PAX5: variants seen among roughly 807,000 people sequenced by gnomAD.
PAX5 encodes paired box protein Pax-5.
In PAX5, 9 loss-of-function variants were observed where a neutral mutation model predicts 43.7. The ratio of observed to expected loss-of-function variants is 0.21; its 90% CI spans 0.12 to 0.36. The LOEUF is 0.36. Among genes scored for constraint, PAX5 ranks in the 10% least tolerant of loss-of-function variants. The probability of loss-of-function intolerance (pLI) is 1.00; values close to 1 mark genes in which losing one functional copy is unlikely to be tolerated. For missense variants in PAX5, 383 were observed against 532.7 expected (o/e 0.72, Z 2.77); for synonymous variants, 228 against 214.3 (o/e 1.06, Z -0.56).
chr9:36,928,080 C>T (rs888288768), intron 6 of PAX5, among the ~76,000 whole-genome samples: 1 of 152,216 alleles, frequency 6.6e-6, no homozygotes, highest in African/African-American at 2.4e-5. Context: ...TGGTGGGATT[C>T]CCTCAGTTCT....
intron 8 of PAX5, among the ~76,000 whole-genome samples, chr9:36,848,350 C>CCACACACACACACACACACA (rs55793420): frequency 0.014 from 1,941 of 136,410 alleles, 43 homozygotes; most frequent in African/African-American, 0.04. Context: ...CAGAGCGTGT[C>CCACACACACACACACACACA]CACACACACA....
intron 1 of PAX5, among the ~76,000 whole-genome samples, chr9:37,028,995 T>G (rs1840697426): frequency 6.6e-6 from 1 of 152,208 alleles, no homozygotes; most frequent in Non-Finnish European, 1.5e-5. Context: ...CAAGAAGCTA[T>G]AGTTCTGTGA....
chr9:37,005,679 T>C (rs1338904843), intron 4 of PAX5, among the ~76,000 whole-genome samples: 1 of 152,250 alleles, frequency 6.6e-6, no homozygotes, highest in African/African-American at 2.4e-5. Context: ...GAGGTGTGAT[T>C]CTGCAGGATT....
rs570693619 is a variant in PAX5, at chr9:36,838,596, T to C, written c.*1964A>G. The C allele has an allele frequency of 8.1e-5, 19 of 233,218 alleles. No individual in the cohort carries two copies. In the East Asian group the frequency reaches 1.1e-3, roughly 14 times the overall value. 14.4% of individuals were successfully genotyped at this position (233,218 alleles called of 1,614,324 possible). A position where few individuals can be genotyped will look rare whatever the true frequency, so the allele number is the denominator to read the frequency against. On this transcript the variant is annotated 3_prime_UTR_variant, in exon 10 of 10. Transcript: ENST00000358127. Reference sequence around the variant, plus strand: ...GGGCCTCAGTTTCCCACAAGGGAAGTTGGGCTAGGTCTTTTTCCAGGCTCT... The same window carrying C: ...GGGCCTCAGTTTCCCACAAGGGAAGCTGGGCTAGGTCTTTTTCCAGGCTCT...
chr9:36,946,887 T>A (rs1233079532), intron 6 of PAX5, among the ~76,000 whole-genome samples: 1 of 152,104 alleles, frequency 6.6e-6, no homozygotes, highest in Non-Finnish European at 1.5e-5. Context: ...CAAGCCACAG[T>A]GTAAAATGAT....
At chr9:36,873,646 G>T (rs1587834313) in intron 8 of PAX5, among the ~76,000 whole-genome samples, 1 of 152,210 alleles carries the variant, frequency 6.6e-6, no homozygotes, top group Admixed American at 6.5e-5. Context: ...TTCTTTCCCT[G>T]AGCAAACGCT....
chr9:36,940,732 C>A (rs1422264561), intron 6 of PAX5, among the ~76,000 whole-genome samples: 4 of 152,012 alleles, frequency 2.6e-5, no homozygotes, highest in African/African-American at 9.7e-5. Context: ...GGAGAGGCAC[C>A]CAGGCATCAG....
At chr9:36,931,013 G>A (rs911726021) in intron 6 of PAX5, 14 of 499,300 alleles carry the variant, frequency 2.8e-5, no homozygotes, top group East Asian at 6.0e-5. Context: ...AGAGGGCAGC[G>A]CATGGGGCAA....
chr9:36,898,656 T>C (rs1434803909), intron 7 of PAX5, among the ~76,000 whole-genome samples: 1 of 152,244 alleles, frequency 6.6e-6, no homozygotes, highest in Non-Finnish European at 1.5e-5. Context: ...ATGCACATTA[T>C]GCGCGAGATG....
At chr9:37,001,275 C>T (rs1331782021) in intron 5 of PAX5, among the ~76,000 whole-genome samples, 1 of 152,208 alleles carries the variant, frequency 6.6e-6, no homozygotes, top group African/African-American at 2.4e-5. Flanking sequence ...CCAAAAATCT[C>T]CACCTGGATC....
intron 1 of PAX5, among the ~76,000 whole-genome samples, chr9:37,025,384 A>C (rs2132528427): frequency 6.8e-6 from 1 of 146,934 alleles, no homozygotes; most frequent in African/African-American, 2.5e-5. Flanking sequence ...TAAATAGGGG[A>C]CCTGCGGCTA....
At chr9:36,886,003 G>A (rs1231545901) in intron 7 of PAX5, among the ~76,000 whole-genome samples, 3 of 152,050 alleles carry the variant, frequency 2.0e-5, no homozygotes, top group Non-Finnish European at 4.4e-5. Flanking sequence ...GGGAGCACTC[G>A]GCAAGCAGAA....
rs961371962 is a variant in PAX5, at chr9:36,835,759, G to T, written c.*4801C>A. 8.6e-6 allele frequency: 2 copies of T among 233,204 alleles called. No individual in the cohort carries two copies. The highest frequency in any genetic ancestry group is 1.7e-5 in the Non-Finnish European group (2 of 118,092). 14.4% of individuals were successfully genotyped at this position (233,204 alleles called of 1,614,324 possible). A position where few individuals can be genotyped will look rare whatever the true frequency, so the allele number is the denominator to read the frequency against. On this transcript the variant is annotated 3_prime_UTR_variant, in exon 10 of 10. Coordinates refer to ENST00000358127, the MANE Select transcript of PAX5 (RefSeq NM_016734.3). Reference sequence around the variant, plus strand: ...CTGGGAACCATCAGAGCAGCCTCTCGATGGGTGACAAGGCCAAGACTGCAG... The same window carrying T: ...CTGGGAACCATCAGAGCAGCCTCTCTATGGGTGACAAGGCCAAGACTGCAG...
At chr9:36,948,508 C>A (rs1832740090) in intron 6 of PAX5, among the ~76,000 whole-genome samples, 1 of 152,014 alleles carries the variant, frequency 6.6e-6, no homozygotes, top group African/African-American at 2.4e-5. Context: ...ACAGTACAAC[C>A]CAGAATTAAT....
chr9:36,955,216 G>A (rs1833346125), intron 6 of PAX5, among the ~76,000 whole-genome samples: 1 of 151,742 alleles, frequency 6.6e-6, no homozygotes, highest in Non-Finnish European at 1.5e-5. Flanking sequence ...TGCCCGTTAT[G>A]TCTCCTAACT....
chr9:36,876,300 T>C (rs1825907521), intron 8 of PAX5, among the ~76,000 whole-genome samples: 2 of 152,210 alleles, frequency 1.3e-5, no homozygotes, highest in African/African-American at 2.4e-5. Flanking sequence ...AGTGCCTCAA[T>C]TGAAAGGCAT....
chr9:36,900,823 G>T (rs996863608), intron 7 of PAX5, among the ~76,000 whole-genome samples: 2 of 151,740 alleles, frequency 1.3e-5, no homozygotes, highest in Non-Finnish European at 2.9e-5. Context: ...CATTCCACCT[G>T]AGTGTCCCTG....
intron 6 of PAX5, among the ~76,000 whole-genome samples, chr9:36,948,957 A>G (rs1011860292): frequency 6.6e-6 from 1 of 152,226 alleles, no homozygotes; most frequent in Admixed American, 6.5e-5. Flanking sequence ...AACAATGATA[A>G]TAAAGGAACA....
At chr9:36,909,627 G>A (rs1829089024) in intron 7 of PAX5, among the ~76,000 whole-genome samples, 1 of 152,074 alleles carries the variant, frequency 6.6e-6, no homozygotes, top group South Asian at 2.1e-4. Context: ...AAAACCCAAT[G>A]CCCACAGGGG....
Sources: allele counts gnomAD v4.1 joint callset (sites outside exome capture counted in the v4.1 genomes callset), GRCh38; gene constraint gnomAD v4.1.1; transcripts MANE v1.5; gene names NCBI Gene and HGNC (gene_info 2026-07-23, HGNC 2026-07-21).